Variants in CFAP20DC observed in about 807,000 individuals in gnomAD.
CFAP20DC encodes protein CFAP20DC.
Under a neutral mutation model 101.7 loss-of-function variants are expected in CFAP20DC, and 84 were observed. That is an observed-to-expected ratio of 0.83 (90% confidence interval 0.69 to 0.99). The LOEUF is 0.99. Among genes scored for constraint, CFAP20DC ranks in the 50% least tolerant of loss-of-function variants. The probability of loss-of-function intolerance (pLI) is 0.00; values close to 1 mark genes in which losing one functional copy is unlikely to be tolerated. For missense variants in CFAP20DC, 1,007 were observed against 970.3 expected (o/e 1.04, Z -0.50); for synonymous variants, 359 against 351.2 (o/e 1.02, Z -0.25).
intron 6 of CFAP20DC, among the ~76,000 whole-genome samples, chr3:58,893,606 G>C (rs2082428469): frequency 6.6e-6 from 1 of 152,068 alleles, no homozygotes; most frequent in African/African-American, 2.4e-5. Context: ...TTCTTTTTTT[G>C]TGGTATATCT....
intron 15 of CFAP20DC, among the ~76,000 whole-genome samples, chr3:58,806,049 T>A (rs182583245): frequency 0.01 from 1,585 of 152,320 alleles, 33 homozygotes; most frequent in South Asian, 0.073. Context: ...AAGTAATGAA[T>A]AAATTAACAC....
chr3:59,013,444 C>T (rs1265035907), intron 4 of CFAP20DC, among the ~76,000 whole-genome samples: 1 of 152,148 alleles, frequency 6.6e-6, no homozygotes, highest in Admixed American at 6.5e-5. Context: ...AAGGATGTTC[C>T]CAGCATCATA....
intron 4 of CFAP20DC, among the ~76,000 whole-genome samples, chr3:58,940,429 T>C (rs556417433): frequency 6.6e-6 from 1 of 152,362 alleles, no homozygotes; most frequent in South Asian, 2.1e-4. Flanking sequence ...TTACATTTAG[T>C]TCGTCCCAAA....
At chr3:58,887,404 A>G (rs535929806) in intron 6 of CFAP20DC, 1 of 152,354 alleles carries the variant, frequency 6.6e-6, no homozygotes, top group South Asian at 2.1e-4. Context: ...TCTGGAGGCC[A>G]GTGAAAACCT....
At chr3:58,769,395 T>C (rs186132177) in intron 15 of CFAP20DC, among the ~76,000 whole-genome samples, 1 of 152,322 alleles carries the variant, frequency 6.6e-6, no homozygotes, top group Admixed American at 6.5e-5. Flanking sequence ...TCTCAGTGTG[T>C]AATGACCTGC....
chr3:58,816,219 A>C (rs1349972630), intron 14 of CFAP20DC, among the ~76,000 whole-genome samples: 2 of 152,094 alleles, frequency 1.3e-5, no homozygotes, highest in African/African-American at 2.4e-5. Flanking sequence ...AGGGACATGG[A>C]TGAGACTGGA....
At chr3:58,862,436 T>C in intron 12 of CFAP20DC, 1 of 985,348 alleles carries the variant, frequency 1.0e-6, no homozygotes, top group Non-Finnish European at 1.2e-6. Context: ...ACTATTTATG[T>C]ATAAAAGGAT....
chr3:58,924,075 T>G (rs1374162121), intron 5 of CFAP20DC, among the ~76,000 whole-genome samples: 2 of 152,174 alleles, frequency 1.3e-5, no homozygotes, highest in African/African-American at 2.4e-5. Flanking sequence ...AGTTCTAGAA[T>G]GCAAAAAATT....
intron 4 of CFAP20DC, among the ~76,000 whole-genome samples, chr3:58,995,565 T>TTTG (rs10690219): frequency 0.7 from 106,337 of 151,680 alleles, 37,509 homozygotes; most frequent in East Asian, 0.95. Context: ...GATCAATTTT[T>TTTG]TTTCAACTGA....
At chr3:58,885,202 G>C (rs1473814182) in intron 6 of CFAP20DC, among the ~76,000 whole-genome samples, 1 of 151,970 alleles carries the variant, frequency 6.6e-6, no homozygotes, top group Non-Finnish European at 1.5e-5. Flanking sequence ...AAAAAGTTCA[G>C]AGTTTCTTGT....
chr3:58,842,858 G>GA (rs2077263043), intron 13 of CFAP20DC, among the ~76,000 whole-genome samples: 1 of 152,208 alleles, frequency 6.6e-6, no homozygotes, highest in African/African-American at 2.4e-5. Context: ...CCTGACCCCT[G>GA]ACCCCCGAGC....
downstream of CFAP20DC, among the ~76,000 whole-genome samples, chr3:58,741,612 T>C (rs1024136310): frequency 2.0e-5 from 3 of 152,040 alleles, no homozygotes; most frequent in African/African-American, 7.2e-5. Flanking sequence ...TTCTCCTGCC[T>C]CAGCCTCCTG....
intron 15 of CFAP20DC, among the ~76,000 whole-genome samples, chr3:58,789,595 A>G (rs2072678544): frequency 6.6e-6 from 1 of 152,184 alleles, no homozygotes. Context: ...GAACTGGAGC[A>G]AGTTGACAGG....
chr3:59,024,118 T>C (rs751290848), intron 4 of CFAP20DC, among the ~76,000 whole-genome samples: 3 of 152,006 alleles, frequency 2.0e-5, no homozygotes, highest in Non-Finnish European at 2.9e-5. Flanking sequence ...ACCTTGCCAA[T>C]TTTAGGCCAC....
intron 14 of CFAP20DC, among the ~76,000 whole-genome samples, chr3:58,822,562 A>G (rs2107936234): frequency 6.6e-6 from 1 of 152,130 alleles, no homozygotes; most frequent in East Asian, 1.9e-4. Flanking sequence ...CAATGTGCAC[A>G]TGTACCCTAA....
chr3:58,808,158 G>A (rs542639669), intron 14 of CFAP20DC, among the ~76,000 whole-genome samples: 10 of 152,288 alleles, frequency 6.6e-5, no homozygotes, highest in African/African-American at 2.4e-4. Flanking sequence ...TTATCCAGGA[G>A]AACTTCCCCA....
chr3:58,936,489 G>A (rs2087646314), intron 5 of CFAP20DC, among the ~76,000 whole-genome samples: 1 of 152,120 alleles, frequency 6.6e-6, no homozygotes, highest in Non-Finnish European at 1.5e-5. Context: ...GTTTATTGCG[G>A]CACTATTCAC....
chr3:58,823,894 A>G (rs1321585836), intron 14 of CFAP20DC, among the ~76,000 whole-genome samples: 2 of 152,268 alleles, frequency 1.3e-5, no homozygotes, highest in African/African-American at 4.8e-5. Flanking sequence ...AATTTAAAAA[A>G]TCAGTTTTGC....
intron 4 of CFAP20DC, among the ~76,000 whole-genome samples, chr3:59,003,108 A>G (rs2093352270): frequency 1.3e-5 from 2 of 152,226 alleles, no homozygotes; most frequent in Non-Finnish European, 1.5e-5. Context: ...GAAGGGATGA[A>G]AAAAATGAAA....
Sources: allele counts gnomAD v4.1 joint callset (sites outside exome capture counted in the v4.1 genomes callset), GRCh38; gene constraint gnomAD v4.1.1; transcripts MANE v1.5; gene names NCBI Gene and HGNC (gene_info 2026-07-23, HGNC 2026-07-21).